The following ZBTB38 variants were observed in gnomAD, a reference collection of about 807,000 sequenced individuals.
ZBTB38 encodes zinc finger and BTB domain containing 38.
Under a neutral mutation model 76.8 loss-of-function variants are expected in ZBTB38, and 20 were observed. The ratio of observed to expected loss-of-function variants is 0.26; its 90% CI spans 0.18 to 0.38. ZBTB38 has a LOEUF of 0.38. Ranked by LOEUF, ZBTB38 falls within the 10% of genes least tolerant of loss-of-function variation. ZBTB38 has a pLI of 1.00. For missense variants in ZBTB38, 1,082 were observed against 1,482.3 expected, an observed-to-expected ratio of 0.73 and a Z score of 4.43; for synonymous variants, 504 against 544.2, an observed-to-expected ratio of 0.93 and a Z score of 1.03.
chr3:141,376,961 C>T (rs1945449906), intron 2 of ZBTB38, among the ~76,000 whole-genome samples: 1 of 152,194 alleles, frequency 6.6e-6, no homozygotes, highest in Admixed American at 6.5e-5. Context: ...CACTTCCTCT[C>T]ACACTATGCT....
intron 5 of ZBTB38, among the ~76,000 whole-genome samples, chr3:141,423,365 CA>C (rs1172028915): frequency 6.6e-6 from 1 of 152,136 alleles, no homozygotes; most frequent in Non-Finnish European, 1.5e-5. Flanking sequence ...GAGTGAAAAG[CA>C]ATAGAATGAG....
In ZBTB38 at chr3:141,448,301, AATTGT is replaced by A. The variant is rs2081244895; in HGVS notation, c.*2329_*2333del. The A allele has an allele frequency of 6.6e-6, 1 of 152,626 alleles. No homozygotes were observed. The highest frequency in any genetic ancestry group is 2.4e-5 in the African/African-American group (1 of 41,452). The allele number at this position is 152,626 out of a possible 1,614,324, so 9.5% of individuals were successfully genotyped here. ...AAATAATTTTGCAAATATTTTCTAT[AATTGT>A]ATTCATTTAAAATGTTGATAGCTTG... On this transcript the variant is annotated 3_prime_UTR_variant, in exon 6 of 6. Coordinates refer to ENST00000321464, the MANE Select transcript of ZBTB38 (RefSeq NM_001376113.1).
intron 1 of ZBTB38, among the ~76,000 whole-genome samples, chr3:141,337,186 G>A (rs909989022): frequency 3.3e-5 from 5 of 152,178 alleles, no homozygotes; most frequent in South Asian, 4.1e-4. Context: ...CAAGTATAAC[G>A]GAGTGTTGTT....
In ZBTB38 at chr3:141,327,167, T is replaced by C. The variant is rs77538354; in HGVS notation, c.-739+2711T>C. 7.7e-4 allele frequency among the ~76,000 whole-genome samples: 118 copies of C among 152,278 alleles called. 2 individuals are homozygous for C. In the East Asian group the frequency reaches 0.019, roughly 24 times the overall value. ...AAGCTGAAGAGATGTTCTCTTCAAA[T>C]GAAAAGGCAGGGTGAGATTTAAAAA... On this transcript the variant is annotated intron_variant, in intron 1 of 7. Coordinates refer to the ZBTB38 transcript ENST00000509842.
intron 5 of ZBTB38, among the ~76,000 whole-genome samples, chr3:141,434,532 C>G (rs899627002): frequency 9.9e-5 from 15 of 151,994 alleles, no homozygotes; most frequent in African/African-American, 3.6e-4. Context: ...TTTTCTAAAC[C>G]TAGGAAATTC....
intron 2 of ZBTB38, among the ~76,000 whole-genome samples, chr3:141,378,498 A>G (rs1945724634): frequency 6.6e-6 from 1 of 152,170 alleles, no homozygotes; most frequent in Non-Finnish European, 1.5e-5. Context: ...ACACTGGGGG[A>G]AGGTGGAGAA....
intron 5 of ZBTB38, among the ~76,000 whole-genome samples, chr3:141,407,407 C>T (rs971300305): frequency 2.0e-5 from 3 of 152,196 alleles, no homozygotes; most frequent in African/African-American, 7.2e-5. Context: ...CTAATTAATA[C>T]ATAATTTGGT....
chr3:141,401,419 G>A (rs1025129790), intron 4 of ZBTB38, among the ~76,000 whole-genome samples: 1 of 151,956 alleles, frequency 6.6e-6, no homozygotes, highest in African/African-American at 2.4e-5. Context: ...AATTTGACCT[G>A]GAGTCAATAT....
Position 141,444,856 on chromosome 3 carries a change from C to T in ZBTB38, c.2468C>T (p.Ala823Val). The T allele has an allele frequency of 6.2e-7, 1 of 1,614,134 alleles. No individual in the cohort carries two copies. Among genetic ancestry groups the T allele is most frequent in the Non-Finnish European group, 8.5e-7 (1 of 1,180,044 alleles). The change falls in exon 6 of 6, where the codon GCT becomes GTT. Residue 823 changes from alanine to valine, a missense_variant. Physicochemically the swap from Ala to Val is moderately conservative, Grantham distance 64. Transcript: ENST00000321464. This position sits in a 1 kb window ranked among gnomAD's most constrained non-coding sequence, Gnocchi z 5.1. ...SKIETYIAKP[A>V]LPGTSTNSNV... ...ATTGAAACCTACATTGCAAAACCTG[C>T]TCTGCCGGGAACCTCCACAAATAGT... is the stretch of plus-strand genomic sequence containing the variant.
intron 5 of ZBTB38, among the ~76,000 whole-genome samples, chr3:141,425,929 T>A (rs1288349032): frequency 2.6e-5 from 4 of 152,208 alleles, no homozygotes; most frequent in Non-Finnish European, 5.9e-5. Flanking sequence ...GAAAGATTGC[T>A]GTGAGGCCTA....
chr3:141,340,739 T>C (rs1395263231), intron 1 of ZBTB38, among the ~76,000 whole-genome samples: 2 of 151,316 alleles, frequency 1.3e-5, no homozygotes, highest in Non-Finnish European at 2.9e-5. Flanking sequence ...CTACTAAAAA[T>C]ACAAAAAATT....
At chr3:141,433,147 GCCT>G (rs2077981575) in intron 5 of ZBTB38, among the ~76,000 whole-genome samples, 1 of 152,052 alleles carries the variant, frequency 6.6e-6, no homozygotes, top group Non-Finnish European at 1.5e-5. Flanking sequence ...GTATTCCTTG[GCCT>G]CCATCTGTCT....
chr3:141,424,776 A>C lies in ZBTB38; in HGVS notation c.1-17613A>C, dbSNP rs2076085564. Among the ~76,000 whole-genome samples, 4 of 152,224 alleles carry C rather than the reference A, an allele frequency of 2.6e-5. No individual in the cohort carries two copies. In the South Asian group the frequency reaches 8.3e-4, roughly 31 times the overall value. On this transcript the variant is annotated intron_variant, in intron 5 of 5. Transcript: ENST00000321464. The stretch of plus-strand genomic sequence containing the variant: ...AGGGGGTCTGGGGAACTCTGGACAC[A>C]CAGTGAAATAGGATATTTGTCCCTG...
At chr3:141,437,842 G>GGT (rs1321713771) in intron 5 of ZBTB38, among the ~76,000 whole-genome samples, 2 of 152,080 alleles carry the variant, frequency 1.3e-5, no homozygotes, top group Non-Finnish European at 2.9e-5. Context: ...GCACATAATA[G>GGT]GTATTCAGTA....
chr3:141,331,913 A>G lies in ZBTB38; in HGVS notation c.-739+7457A>G, dbSNP rs566923363. Reference sequence around the variant, plus strand: ...TGGGAGTCCTCGGCTGGGGACTTCAAATGAGTCACTGTGCTTTCTGATGCC... The same window carrying G: ...TGGGAGTCCTCGGCTGGGGACTTCAGATGAGTCACTGTGCTTTCTGATGCC... On this transcript the variant is annotated intron_variant, in intron 1 of 7. Transcript: ENST00000509842. Among the ~76,000 whole-genome samples the G allele has an allele frequency of 7.9e-5, 12 of 152,340 alleles. No individual in the cohort carries two copies. In the South Asian group the frequency reaches 2.3e-3, roughly 29 times the overall value.
chr3:141,329,360 C>G (rs145185353), intron 1 of ZBTB38, among the ~76,000 whole-genome samples: 107 of 152,310 alleles, frequency 7.0e-4, no homozygotes, highest in African/African-American at 2.5e-3. Context: ...ATACATCACT[C>G]CATCCCTTCC....
At chr3:141,380,929 G>A (rs1946111386) in intron 2 of ZBTB38, among the ~76,000 whole-genome samples, 1 of 152,102 alleles carries the variant, frequency 6.6e-6, no homozygotes, top group Non-Finnish European at 1.5e-5. Flanking sequence ...TCTCACATGA[G>A]GTGGATTTTT....
Position 141,413,924 on chromosome 3 carries a change from AC to A in ZBTB38, c.-1+9896del, listed in dbSNP as rs2073287066. On this transcript the variant is annotated intron_variant, in intron 5 of 5. Coordinates refer to ENST00000321464, the MANE Select transcript of ZBTB38 (RefSeq NM_001376113.1). This position sits in a 1 kb window ranked among gnomAD's most constrained non-coding sequence, Gnocchi z 4.1. Reference sequence around the variant, plus strand: ...AGGGATCCTTAAGAAATAGTATGTCACCCAAATATATTCTGTGGTAAGGCTT... The same window carrying A: ...AGGGATCCTTAAGAAATAGTATGTCACCAAATATATTCTGTGGTAAGGCTT... 6.6e-6 allele frequency among the ~76,000 whole-genome samples: 1 copy of A among 152,208 alleles called. No individual in the cohort carries two copies. Among genetic ancestry groups the A allele is most frequent in the African/African-American group, 2.4e-5 (1 of 41,450 alleles).
In ZBTB38 at chr3:141,447,603, C is replaced by A. The variant is rs1405795084; in HGVS notation, c.*1627C>A. The A allele has an allele frequency of 6.6e-6, 1 of 152,458 alleles. No individual in the cohort carries two copies. Among genetic ancestry groups the A allele is most frequent in the East Asian group, 1.9e-4 (1 of 5,200 alleles). The allele number at this position is 152,458 out of a possible 1,614,324, so 9.4% of individuals were successfully genotyped here. On this transcript the variant is annotated 3_prime_UTR_variant, in exon 6 of 6. Coordinates refer to ENST00000321464, the MANE Select transcript of ZBTB38 (RefSeq NM_001376113.1). ...AATCCGGAATGCAGTTTCAGCGTGA[C>A]CTGCAGTCATTCATGTTCATTGGAT...
Sources: allele counts gnomAD v4.1 joint callset (sites outside exome capture counted in the v4.1 genomes callset), GRCh38; gene constraint gnomAD v4.1.1; non-coding constraint Gnocchi (gnomAD v3.1); transcripts MANE v1.5; gene names NCBI Gene and HGNC (gene_info 2026-07-23, HGNC 2026-07-21).